The following TFEC variants were observed in gnomAD, a reference collection of about 807,000 sequenced individuals.
The protein encoded by TFEC is transcription factor EC, also known as class E basic helix-loop-helix protein 34.
TFEC carries 31 observed loss-of-function variants against 41.6 expected under a neutral mutation model. That is an observed-to-expected ratio of 0.74 (90% CI 0.56 to 1.01). TFEC has a LOEUF of 1.01. TFEC is among the 50% of genes least tolerant of loss of function. The probability of loss-of-function intolerance (pLI) is 0.00; values close to 1 mark genes in which losing one functional copy is unlikely to be tolerated. For synonymous variants in TFEC, 143 were observed against 140.6 expected (o/e 1.02, Z -0.12); for missense variants, 402 against 404.1 (o/e 0.99, Z 0.04).
At chr7:116,047,958 C>T (rs1191316441) in intron 3 of TFEC, among the ~76,000 whole-genome samples, 1 of 152,164 alleles carries the variant, frequency 6.6e-6, no homozygotes. Context: ...ACAGAAAGGA[C>T]ATCCGCACCA....
At chr7:115,974,089 C>A in intron 3 of TFEC, 81 bp downstream of exon 3, 1 of 1,138,648 alleles carries the variant, frequency 8.8e-7, no homozygotes, top group South Asian at 1.5e-5. Context: ...GAAAAAAGCA[C>A]CAGTTGCTAA....
At chr7:116,094,711 A>T (rs1797410195) in intron 3 of TFEC, among the ~76,000 whole-genome samples, 1 of 152,056 alleles carries the variant, frequency 6.6e-6, no homozygotes. Flanking sequence ...AAACAAACAA[A>T]CAAAAAACAA....
chr7:115,992,710 T>C (rs1794179474), intron 1 of TFEC, among the ~76,000 whole-genome samples: 1 of 152,072 alleles, frequency 6.6e-6, no homozygotes, highest in Non-Finnish European at 1.5e-5. Flanking sequence ...AGGCAATAAT[T>C]AATAGCCTAC....
chr7:116,035,852 G>A (rs905689831), intron 3 of TFEC, among the ~76,000 whole-genome samples: 3 of 151,718 alleles, frequency 2.0e-5, no homozygotes, highest in Non-Finnish European at 2.9e-5. Context: ...AGAAAGATCC[G>A]TACCTCTGAT....
rs534904053 is a variant in TFEC, at chr7:115,947,010, G to A, written c.515+3864C>T. ...ATGTATACATGTGCCATGCTGGTGC[G>A]CTGCACCCACTAACTCGTCATCTAG... On this transcript the variant is annotated intron_variant, in intron 6 of 7. Coordinates refer to ENST00000265440, the MANE Select transcript of TFEC (RefSeq NM_012252.4). Among the ~76,000 whole-genome samples, 53 of 150,526 alleles carry A rather than the reference G, an allele frequency of 3.5e-4. 3 individuals are homozygous for A. Among genetic ancestry groups the A allele is most frequent in the Middle Eastern group, 3.4e-3 (1 of 294 alleles).
At chr7:116,114,945 G>C (rs1161437239) in intron 1 of TFEC, among the ~76,000 whole-genome samples, 2 of 151,844 alleles carry the variant, frequency 1.3e-5, no homozygotes, top group Non-Finnish European at 1.5e-5. Context: ...AGAGAATGAA[G>C]ACAAAGACAT....
At chr7:116,144,386 T>C (rs1798601398) in intron 1 of TFEC, among the ~76,000 whole-genome samples, 1 of 152,198 alleles carries the variant, frequency 6.6e-6, no homozygotes, top group Non-Finnish European at 1.5e-5. Context: ...GGCAGTCCAC[T>C]AAAATTTTAT....
intron 1 of TFEC, among the ~76,000 whole-genome samples, chr7:116,157,871 A>G (rs539319357): frequency 9.9e-5 from 15 of 152,268 alleles, no homozygotes; most frequent in African/African-American, 3.6e-4. Context: ...GCTTCCCACT[A>G]AACACCAGTC....
intron 1 of TFEC, among the ~76,000 whole-genome samples, chr7:116,159,582 C>G (rs993964506): frequency 7.9e-5 from 12 of 152,132 alleles, no homozygotes; most frequent in East Asian, 3.9e-4. Flanking sequence ...ACCAGTGAAG[C>G]ATTATAATCA....
intron 1 of TFEC, among the ~76,000 whole-genome samples, chr7:116,012,881 T>A (rs1289796033): frequency 6.6e-6 from 1 of 151,044 alleles, no homozygotes; most frequent in African/African-American, 2.4e-5. Flanking sequence ...TATCTTAGGC[T>A]GGAAAACTTT....
chr7:116,158,826 A>G (rs1798919970), intron 1 of TFEC, among the ~76,000 whole-genome samples: 1 of 152,080 alleles, frequency 6.6e-6, no homozygotes, highest in Non-Finnish European at 1.5e-5. Flanking sequence ...TGAATTGAAG[A>G]AGACATTTTC....
At chr7:116,152,835 G>A (rs1160116388) in intron 1 of TFEC, among the ~76,000 whole-genome samples, 6 of 152,086 alleles carry the variant, frequency 3.9e-5, no homozygotes, top group Admixed American at 1.3e-4. Context: ...CACAATGGTC[G>A]ATATCCAAGC....
chr7:116,157,622 C>T (rs1466443770), intron 1 of TFEC, among the ~76,000 whole-genome samples: 1 of 152,014 alleles, frequency 6.6e-6, no homozygotes, highest in Non-Finnish European at 1.5e-5. Context: ...GAGTGTGGGG[C>T]TAGGAAGTGA....
chr7:115,941,615 GTA>G (rs546469482), intron 7 of TFEC: 378 of 374,816 alleles, frequency 1.0e-3, no homozygotes, highest in East Asian at 1.6e-3. Flanking sequence ...TTATATATGT[GTA>G]TATATATATA....
chr7:116,122,620 C>G (rs997101646), intron 1 of TFEC, among the ~76,000 whole-genome samples: 1 of 152,042 alleles, frequency 6.6e-6, no homozygotes, highest in African/African-American at 2.4e-5. Flanking sequence ...AAGTTATATT[C>G]CTTTTTATCT....
chr7:116,083,271 A>G (rs1388501792), intron 3 of TFEC, among the ~76,000 whole-genome samples: 1 of 151,888 alleles, frequency 6.6e-6, no homozygotes, highest in Non-Finnish European at 1.5e-5. Flanking sequence ...AGTGAAAAAA[A>G]TATTTTGTAA....
chr7:116,144,712 C>T (rs191988477), intron 1 of TFEC, among the ~76,000 whole-genome samples: 48 of 152,226 alleles, frequency 3.2e-4, no homozygotes, highest in African/African-American at 1.0e-3. Context: ...TAATATGAGT[C>T]GGCTTCATCC....
chr7:115,976,805 GA>G (rs770494464), intron 2 of TFEC, among the ~76,000 whole-genome samples: 3 of 152,154 alleles, frequency 2.0e-5, no homozygotes, highest in Non-Finnish European at 4.4e-5. Flanking sequence ...ACTTGGAGTG[GA>G]TTCAGTAAAA....
At chr7:116,068,483 A>G (rs1375765716) in intron 3 of TFEC, among the ~76,000 whole-genome samples, 1 of 151,746 alleles carries the variant, frequency 6.6e-6, no homozygotes, top group Non-Finnish European at 1.5e-5. Flanking sequence ...TCTAAGAAAT[A>G]ATTAAGCTAA....
Sources: allele counts gnomAD v4.1 joint callset (sites outside exome capture counted in the v4.1 genomes callset), GRCh38; gene constraint gnomAD v4.1.1; transcripts MANE v1.5; gene names NCBI Gene and HGNC (gene_info 2026-07-23, HGNC 2026-07-21).